TNS1: variants seen among roughly 807,000 people sequenced by gnomAD.
The protein encoded by TNS1 is tensin-1.
In TNS1, 62 loss-of-function variants were observed where a neutral mutation model predicts 168.6. That is an observed-to-expected ratio of 0.37 (90% CI 0.30 to 0.45). The LOEUF is 0.45. Ranked by LOEUF, TNS1 falls within the 20% of genes least tolerant of loss-of-function variation. TNS1 has a pLI of 1.00. For synonymous variants in TNS1, 934 were observed against 933.2 expected (o/e 1.00, Z -0.02); for missense variants, 2,240 against 2,339.4 (o/e 0.96, Z 0.88).
chr2:217,811,999 T>A (rs1056345140), intron 28 of TNS1, among the ~76,000 whole-genome samples: 3 of 152,128 alleles, frequency 2.0e-5, no homozygotes, highest in African/African-American at 7.2e-5. Flanking sequence ...CACCTCAGTC[T>A]GCCTCCCCAC....
chr2:217,885,779 T>A lies in TNS1; in HGVS notation c.1081A>T (p.Ile361Phe). Reference protein sequence around the residue: ...GDSQTSVCITIEPGLLLKGDI... With the variant: ...GDSQTSVCITFEPGLLLKGDI... ...CCCTTCAAGAGCAGTCCTGGCTCGA[T>A]GGTGATGCAGACGCTAGTCTGGCTG... Residue 361 changes from isoleucine (I) to phenylalanine (F), a missense_variant, in exon 15 of 33, where the codon ATC becomes TTC. By Grantham distance (21) the Ile-to-Phe change is conservative (BLOSUM62 0). Transcript: ENST00000682258. 6.2e-7 allele frequency: 1 copy of A among 1,614,140 alleles called. No homozygotes were observed. The highest frequency in any genetic ancestry group is 8.5e-7 in the Non-Finnish European group (1 of 1,180,038).
chr2:217,877,103 T>C (rs967417969), intron 18 of TNS1, among the ~76,000 whole-genome samples: 3 of 152,066 alleles, frequency 2.0e-5, no homozygotes, highest in Non-Finnish European at 2.9e-5. Flanking sequence ...GAGCTTCCCT[T>C]TGATTCTTCA....
chr2:217,914,209 C>T (rs143333302), intron 4 of TNS1, among the ~76,000 whole-genome samples: 155 of 152,352 alleles, frequency 1.0e-3, no homozygotes, highest in African/African-American at 3.5e-3. Flanking sequence ...GTCAAAACCC[C>T]AGAGTCAGGC....
In TNS1 at chr2:217,831,522, C is replaced by G; in HGVS notation, c.3306G>C (p.Lys1102Asn). The G allele has an allele frequency of 4.5e-6, 7 of 1,554,904 alleles. No individual in the cohort carries two copies. Among genetic ancestry groups the G allele is most frequent in the Non-Finnish European group, 6.1e-6 (7 of 1,154,378 alleles). Residue 1102 changes from lysine (K) to asparagine (N), a missense_variant, in exon 22 of 33, where the codon AAG (lysine) becomes AAC (asparagine). Physicochemically the swap from Lys to Asn is moderately conservative, Grantham distance 94 (BLOSUM62 0). Transcript: ENST00000682258. ...SGVRSPPGLA[K>N]TPLSALGLKP... ...TCAGGCCCAGAGCAGACAGGGGTGT[C>G]TTGGCCAGACCCGGGGGGGACCGCA...
At chr2:218,011,288 T>G (rs1040740387), upstream of TNS1, among the ~76,000 whole-genome samples, 1 of 151,890 alleles carries the variant, frequency 6.6e-6, no homozygotes, top group African/African-American at 2.4e-5. Context: ...TCCTGGACTC[T>G]AGAGAGAGAT....
intron 13 of TNS1, 123 bp from the exon 14 acceptor site, chr2:217,886,227 G>C: frequency 1.9e-6 from 2 of 1,046,502 alleles, no homozygotes; most frequent in Non-Finnish European, 2.8e-6. Context: ...GGGTAGGAAG[G>C]GGAAGGAGGA....
intron 18 of TNS1, chr2:217,849,589 A>G (rs1383849333): frequency 1.1e-5 from 10 of 949,372 alleles, no homozygotes; most frequent in African/African-American, 1.8e-5. Flanking sequence ...AGCCCTAACC[A>G]TCACCATTAT....
chr2:217,951,654 C>T (rs748259225), intron 3 of TNS1, among the ~76,000 whole-genome samples: 12 of 152,122 alleles, frequency 7.9e-5, no homozygotes, highest in Non-Finnish European at 1.2e-4. Flanking sequence ...ACACCCCAGG[C>T]CCTCAGGGCT....
intron 23 of TNS1, 51 bp from the exon 24 acceptor site, chr2:217,818,810 G>A (rs751852364): frequency 1.5e-5 from 22 of 1,477,380 alleles, no homozygotes; most frequent in Non-Finnish European, 1.9e-5. Flanking sequence ...TGAATGAAGG[G>A]TGGATTTACA....
At chr2:217,938,267 C>G (rs1006980) in intron 3 of TNS1, among the ~76,000 whole-genome samples, 49,946 of 152,130 alleles carry the variant, frequency 0.33, 11,826 homozygotes, top group African/African-American at 0.67. Context: ...GTGGGAACTG[C>G]GTTGGGTGGA....
chr2:217,825,467 C>A (rs1352360422), intron 22 of TNS1, among the ~76,000 whole-genome samples: 1 of 152,218 alleles, frequency 6.6e-6, no homozygotes, highest in Non-Finnish European at 1.5e-5. Flanking sequence ...TTTTAAGAGT[C>A]CATCAACTGT....
chr2:217,932,224 G>A (rs62182182), intron 3 of TNS1, among the ~76,000 whole-genome samples: 6,536 of 152,270 alleles, frequency 0.043, 202 homozygotes, highest in Non-Finnish European at 0.058. Context: ...GAGGCCATGA[G>A]TTTCTAACTA....
intron 3 of TNS1, among the ~76,000 whole-genome samples, chr2:217,961,235 T>TCACACA (rs146341310): frequency 4.8e-5 from 7 of 144,848 alleles, no homozygotes; most frequent in East Asian, 4.1e-4. Flanking sequence ...TCTCTCTCTC[T>TCACACA]CACACACACA....
At chr2:217,966,774 T>C (rs1214869647) in intron 3 of TNS1, among the ~76,000 whole-genome samples, 2 of 152,168 alleles carry the variant, frequency 1.3e-5, no homozygotes, top group Non-Finnish European at 2.9e-5. Context: ...GTCACAGCTG[T>C]GGGGAGTAGA....
intron 30 of TNS1, 75 bp from the exon 31 acceptor site, chr2:217,808,746 C>T: frequency 7.2e-7 from 1 of 1,383,962 alleles, no homozygotes; most frequent in Non-Finnish European, 1.0e-6. Context: ...ACCAGCAGGT[C>T]AGGCCACCTT....
intron 18 of TNS1, among the ~76,000 whole-genome samples, chr2:217,879,133 C>A (rs1382048230): frequency 6.6e-6 from 1 of 152,208 alleles, no homozygotes; most frequent in Non-Finnish European, 1.5e-5. Flanking sequence ...TTCCTTCCCC[C>A]ACAGCCAAAT....
chr2:217,925,816 G>C (rs1955993310), intron 3 of TNS1, among the ~76,000 whole-genome samples: 1 of 151,762 alleles, frequency 6.6e-6, no homozygotes, highest in South Asian at 2.1e-4. Context: ...CAAACCCCTG[G>C]TTACCTCTAA....
intron 18 of TNS1, 31 bp from the exon 19 acceptor site, chr2:217,849,118 CA>C: frequency 1.3e-6 from 2 of 1,584,116 alleles, no homozygotes; most frequent in Non-Finnish European, 1.7e-6. Flanking sequence ...GGGGAGACAA[CA>C]GACAACAGAC....
At chr2:217,953,428 G>A (rs914801586) in intron 3 of TNS1, among the ~76,000 whole-genome samples, 2 of 152,210 alleles carry the variant, frequency 1.3e-5, no homozygotes, top group Admixed American at 1.3e-4. Context: ...CAGCCAATCG[G>A]CCATTAACTG....
Sources: allele counts gnomAD v4.1 joint callset (sites outside exome capture counted in the v4.1 genomes callset), GRCh38; gene constraint gnomAD v4.1.1; transcripts MANE v1.5; gene names NCBI Gene and HGNC (gene_info 2026-07-23, HGNC 2026-07-21).